MAP3K7: variants seen among roughly 807,000 people sequenced by gnomAD.
The protein encoded by MAP3K7 is TGF-beta activated kinase 1.
A neutral mutation model predicts 84.8 loss-of-function variants in MAP3K7; 21 were observed. That is an observed-to-expected ratio of 0.25 (90% confidence interval 0.18 to 0.36). MAP3K7 has a LOEUF of 0.36. Ranked by LOEUF, MAP3K7 falls within the 10% of genes least tolerant of loss-of-function variation. The pLI is 1.00. For synonymous variants in MAP3K7, 241 were observed against 247.7 expected (o/e 0.97, Z 0.25); for missense variants, 503 against 747.7 (o/e 0.67, Z 3.82).
chr6:90,531,516 A>G (rs910072859), intron 13 of MAP3K7, among the ~76,000 whole-genome samples: 1 of 152,208 alleles, frequency 6.6e-6, no homozygotes, highest in African/African-American at 2.4e-5. Context: ...AATTAAATCT[A>G]TACATGAAGG....
chr6:90,560,821 T>C (rs143394931), intron 4 of MAP3K7, among the ~76,000 whole-genome samples: 110 of 152,276 alleles, frequency 7.2e-4, no homozygotes, highest in African/African-American at 2.6e-3. Flanking sequence ...ATAAAGACTT[T>C]TATAAAGTAA....
intron 8 of MAP3K7, 123 bp from the exon 9 acceptor site, chr6:90,550,672 A>G (rs1776152775): frequency 1.7e-6 from 1 of 592,462 alleles, no homozygotes; most frequent in Non-Finnish European, 2.9e-6. Flanking sequence ...TTATTTTACA[A>G]AGATTACAAT....
chr6:90,580,797 G>A (rs1183541035), intron 1 of MAP3K7, among the ~76,000 whole-genome samples: 1 of 152,146 alleles, frequency 6.6e-6, no homozygotes, highest in Non-Finnish European at 1.5e-5. Flanking sequence ...ACAGAGGAAT[G>A]CAAAAAGGAC....
chr6:90,523,918 T>C, intron 13 of MAP3K7, 135 bp from the exon 14 acceptor site: 1 of 570,374 alleles, frequency 1.8e-6, no homozygotes, highest in Non-Finnish European at 3.1e-6. Flanking sequence ...ATAAATCCTC[T>C]CTTATATATA....
At chr6:90,548,367 A>G (rs1424106932) in intron 9 of MAP3K7, among the ~76,000 whole-genome samples, 190 bp from the exon 10 acceptor site, 2 of 152,220 alleles carry the variant, frequency 1.3e-5, no homozygotes, top group East Asian at 3.8e-4. Context: ...CAAAAAAGGA[A>G]CCAAGATGCC....
At chr6:90,577,554 A>C (rs1777127426) in intron 1 of MAP3K7, among the ~76,000 whole-genome samples, 1 of 152,214 alleles carries the variant, frequency 6.6e-6, no homozygotes, top group African/African-American at 2.4e-5. Flanking sequence ...TTAGATCACA[A>C]GAGAGGAGAA....
chr6:90,564,897 G>GA (rs1776651415), intron 3 of MAP3K7, among the ~76,000 whole-genome samples: 1 of 152,126 alleles, frequency 6.6e-6, no homozygotes, highest in African/African-American at 2.4e-5. Flanking sequence ...AATCAAACTA[G>GA]ACTCAGGATT....
At chr6:90,569,476 CTTCTTTCTTTCT>C (rs148676852) in intron 2 of MAP3K7, among the ~76,000 whole-genome samples, 2 of 137,102 alleles carry the variant, frequency 1.5e-5, no homozygotes, top group Non-Finnish European at 3.3e-5. Context: ...AGATCTCAAA[CTTCTTTCTTTCT>C]TTCTTTCTTT....
chr6:90,563,054 C>T (rs926725906), intron 3 of MAP3K7, among the ~76,000 whole-genome samples: 11 of 152,154 alleles, frequency 7.2e-5, no homozygotes, highest in South Asian at 2.1e-4. Context: ...AGGACATCCA[C>T]ATCAAAACCC....
At chr6:90,579,436 TCTGTC>T (rs1002023341) in intron 1 of MAP3K7, among the ~76,000 whole-genome samples, 9 of 152,194 alleles carry the variant, frequency 5.9e-5, no homozygotes, top group African/African-American at 2.2e-4. Context: ...TTTCCAGGGT[TCTGTC>T]CTTGGCCCTT....
intron 8 of MAP3K7, 146 bp downstream of exon 8, chr6:90,551,897 CTGACTA>C: frequency 1.3e-6 from 1 of 765,436 alleles, no homozygotes; most frequent in Non-Finnish European, 1.9e-6. Context: ...GTTTCCTCTT[CTGACTA>C]TGAGTAATAA....
chr6:90,523,918 TCTTA>T (rs1775237947), intron 13 of MAP3K7, 135 bp from the exon 14 acceptor site: 1 of 570,374 alleles, frequency 1.8e-6, no homozygotes, highest in South Asian at 2.5e-5. Context: ...ATAAATCCTC[TCTTA>T]TATATATGTA....
intron 13 of MAP3K7, among the ~76,000 whole-genome samples, chr6:90,535,967 A>G (rs1474847219): frequency 1.3e-5 from 2 of 152,168 alleles, no homozygotes; most frequent in African/African-American, 4.8e-5. Context: ...AATGTTTACT[A>G]CCCTTATTAG....
chr6:90,521,988 A>C (rs1394021461), intron 14 of MAP3K7, among the ~76,000 whole-genome samples: 2 of 152,144 alleles, frequency 1.3e-5, no homozygotes, highest in South Asian at 2.1e-4. Context: ...AAAAGACTTT[A>C]CCTATCTGTT....
intron 13 of MAP3K7, among the ~76,000 whole-genome samples, chr6:90,530,175 G>A (rs151313358): frequency 6.6e-6 from 1 of 152,262 alleles, no homozygotes; most frequent in African/African-American, 2.4e-5. Context: ...CTTCAAAGTG[G>A]TGGCAGACCA....
chr6:90,565,529 T>A (rs1582223653), intron 3 of MAP3K7, among the ~76,000 whole-genome samples: 1 of 152,278 alleles, frequency 6.6e-6, no homozygotes, highest in East Asian at 1.9e-4. Context: ...GTTGAATCCC[T>A]GAATAGACCA....
At chr6:90,560,236 TA>T (rs1776465144) in intron 4 of MAP3K7, 22 bp from the exon 5 acceptor site, 2 of 1,613,208 alleles carry the variant, frequency 1.2e-6, no homozygotes, top group Non-Finnish European at 1.7e-6. Flanking sequence ...AGGCACAAAC[TA>T]AAAAGAACTT....
chr6:90,552,407 G>A (rs920191448), intron 7 of MAP3K7, among the ~76,000 whole-genome samples: 4 of 152,124 alleles, frequency 2.6e-5, no homozygotes, highest in African/African-American at 7.2e-5. Context: ...TAGAAAGCAA[G>A]CAAGCAAGCT....
intron 13 of MAP3K7, 122 bp downstream of exon 13, chr6:90,536,215 A>G: frequency 1.5e-6 from 1 of 677,666 alleles, no homozygotes; most frequent in East Asian, 2.7e-5. Context: ...TTCAGGTGCA[A>G]TGAATTTCTC....
Sources: allele counts gnomAD v4.1 joint callset (sites outside exome capture counted in the v4.1 genomes callset), GRCh38; gene constraint gnomAD v4.1.1; transcripts MANE v1.5; gene names NCBI Gene and HGNC (gene_info 2026-07-23, HGNC 2026-07-21).